The following MAPRE2 variants were observed in gnomAD, a reference collection of about 807,000 sequenced individuals.
MAPRE2 encodes the protein microtubule-associated protein RP/EB family member 2.
In MAPRE2, 13 loss-of-function variants were observed where a neutral mutation model predicts 43.2. The observed-to-expected ratio is 0.30, with a 90% CI of 0.20 to 0.48. The LOEUF is 0.48. Among genes scored for constraint, MAPRE2 ranks in the 20% least tolerant of loss-of-function variants. The pLI is 0.99. For missense variants in MAPRE2, 161 were observed against 400.2 expected (o/e 0.40, Z 5.10); for synonymous variants, 135 against 148.8 (o/e 0.91, Z 0.68).
intron 1 of MAPRE2, among the ~76,000 whole-genome samples, chr18:35,057,075 C>A (rs955356759): frequency 6.6e-6 from 1 of 152,086 alleles, no homozygotes; most frequent in Non-Finnish European, 1.5e-5. Context: ...TGTGCAATGG[C>A]GCAATCTCAG....
intron 2 of MAPRE2, among the ~76,000 whole-genome samples, chr18:35,019,284 GAGA>G (rs893915802): frequency 2.0e-4 from 30 of 152,038 alleles, no homozygotes; most frequent in African/African-American, 6.0e-4. Context: ...ATGTGCAGAT[GAGA>G]AGAATGTATA....
In MAPRE2 at chr18:35,091,824, A is replaced by G. The variant is rs80102053; in HGVS notation, c.251-5622A>G. ...AAATAACATCATACTGGCATGATGT[A>G]TTAGCCTATTCTTGCATTGCTATAC... On this transcript the variant is annotated intron_variant, in intron 2 of 6. Coordinates refer to ENST00000300249, the MANE Select transcript of MAPRE2 (RefSeq NM_014268.4). 5.6e-3 allele frequency among the ~76,000 whole-genome samples: 854 copies of G among 152,330 alleles called. 6 individuals carry two copies. The highest frequency in any genetic ancestry group is 9.0e-3 in the Non-Finnish European group (612 of 68,030).
At chr18:35,022,323 G>A (rs1249102194) in intron 2 of MAPRE2, among the ~76,000 whole-genome samples, 1 of 152,104 alleles carries the variant, frequency 6.6e-6, no homozygotes, top group Non-Finnish European at 1.5e-5. Flanking sequence ...TAGTAAGTAA[G>A]TTTCATGCAG....
intron 2 of MAPRE2, among the ~76,000 whole-genome samples, chr18:35,024,290 C>T (rs1326058343): frequency 1.3e-5 from 2 of 152,134 alleles, no homozygotes; most frequent in Non-Finnish European, 2.9e-5. Flanking sequence ...TTTTAAACTC[C>T]TAACTTGAAA....
chr18:35,127,155 C>G, intron 5 of MAPRE2, 68 bp downstream of exon 5: 3 of 1,541,866 alleles, frequency 1.9e-6, no homozygotes, highest in South Asian at 2.3e-5. Flanking sequence ...GGCCTAGGAT[C>G]CCCTAGGACT....
At chr18:35,102,787 A>G (rs969232089) in intron 4 of MAPRE2, among the ~76,000 whole-genome samples, 1 of 152,230 alleles carries the variant, frequency 6.6e-6, no homozygotes, top group Admixed American at 6.6e-5. Flanking sequence ...CATCCTTGCC[A>G]TAAACAGCAG....
In MAPRE2 at chr18:35,132,196, T is replaced by C. The variant is rs751886504; in HGVS notation, c.909+6T>C. Reference sequence around the variant, plus strand: ...TGTATGCTTCAGAAGAACACGTAAGTGTGAGGAGCATGTGACTCCTGTGTT... The same window carrying C: ...TGTATGCTTCAGAAGAACACGTAAGCGTGAGGAGCATGTGACTCCTGTGTT... On this transcript the variant is annotated splice_donor_region_variant and intron_variant, in intron 6 of 6. Coordinates refer to ENST00000300249, the MANE Select transcript of MAPRE2 (RefSeq NM_014268.4). 1 of 1,613,622 alleles carries C rather than the reference T, an allele frequency of 6.2e-7. No homozygotes were observed. The highest frequency in any genetic ancestry group is 8.5e-7 in the Non-Finnish European group (1 of 1,179,746).
In MAPRE2 at chr18:35,070,338, T is replaced by C; in HGVS notation, c.250+16T>C. The C allele has an allele frequency of 6.3e-7, 1 of 1,576,088 alleles. No individual in the cohort carries two copies. Among genetic ancestry groups the C allele is most frequent in the East Asian group, 2.3e-5 (1 of 43,782 alleles). ...CTTTGTTCAGGTAAGACATATTCTT[T>C]TAAGTGTTTACCTAAATATTTACAG... On this transcript the variant is annotated intron_variant, in intron 2 of 6. Coordinates refer to ENST00000300249, the MANE Select transcript of MAPRE2 (RefSeq NM_014268.4).
chr18:35,012,534 G>T (rs1377441823), intron 2 of MAPRE2, among the ~76,000 whole-genome samples: 1 of 152,144 alleles, frequency 6.6e-6, no homozygotes, highest in Non-Finnish European at 1.5e-5. Context: ...AACAAAATCT[G>T]GTATATACAT....
intron 1 of MAPRE2, among the ~76,000 whole-genome samples, chr18:34,991,779 G>A (rs2097023945): frequency 3.3e-5 from 5 of 152,182 alleles, no homozygotes; most frequent in Admixed American, 2.6e-4. Context: ...CACCTTTAGA[G>A]TATAACTTGT....
chr18:34,985,051 ATT>A (rs1491121539), intron 1 of MAPRE2, among the ~76,000 whole-genome samples: 5 of 52,388 alleles, frequency 9.5e-5, no homozygotes, highest in African/African-American at 4.1e-4. Context: ...TATAAAATAT[ATT>A]ATATAATATA....
chr18:35,138,820 A>AT, intron 6 of MAPRE2, among the ~76,000 whole-genome samples: 1 of 152,256 alleles, frequency 6.6e-6, no homozygotes, highest in Non-Finnish European at 1.5e-5. Context: ...CAGAGCTGGG[A>AT]TGTGAACTCG....
At position 34,985,317 on chromosome 18, in the gene MAPRE2, TA is replaced by T. The variant is rs2097019417; in HGVS notation, c.-70+8239del. Among the ~76,000 whole-genome samples, 11 of 43,372 alleles carry T rather than the reference TA, an allele frequency of 2.5e-4. 3 individuals carry two copies. Among genetic ancestry groups the T allele is most frequent in the African/African-American group, 1.0e-3 (10 of 9,988 alleles). 28.5% of individuals were successfully genotyped at this position (43,372 alleles called of 152,430 possible). A position where few individuals can be genotyped will look rare whatever the true frequency, so the allele number is the denominator to read the frequency against. ...ATATTATATATTGTATATATTATAT[TA>T]TATATATAATATAATATATAATATA... On this transcript the variant is annotated intron_variant, in intron 1 of 7. Transcript: ENST00000413393.
At chr18:35,095,392 A>ACATACG (rs1555917937) in intron 2 of MAPRE2, among the ~76,000 whole-genome samples, 1 of 149,550 alleles carries the variant, frequency 6.7e-6, no homozygotes, top group African/African-American at 2.5e-5. Context: ...ACACACACAC[A>ACATACG]CACACACACG....
chr18:35,047,587 C>T (rs1905695425), intron 1 of MAPRE2, among the ~76,000 whole-genome samples: 1 of 151,954 alleles, frequency 6.6e-6, no homozygotes. Flanking sequence ...AGAAATTTCT[C>T]CTAAATATGT....
At chr18:34,991,404 A>C (rs1162992871) in intron 1 of MAPRE2, among the ~76,000 whole-genome samples, 1 of 152,202 alleles carries the variant, frequency 6.6e-6, no homozygotes, top group Non-Finnish European at 1.5e-5. Flanking sequence ...GCTCAGAAAC[A>C]AGAAACGTCT....
intron 1 of MAPRE2, among the ~76,000 whole-genome samples, chr18:34,995,797 A>G (rs2150576479): frequency 6.6e-6 from 1 of 152,272 alleles, no homozygotes; most frequent in South Asian, 2.1e-4. Context: ...TGGCTCCTTT[A>G]CCAAGCGCAT....
rs562187807 is a variant in MAPRE2, at chr18:35,094,110, A to G, written c.251-3336A>G. On this transcript the variant is annotated intron_variant, in intron 2 of 6. Transcript: ENST00000300249. The stretch of plus-strand genomic sequence containing the variant: ...CTTGGGAAAAAAATAGCGACTTTGA[A>G]TGTTCTCACCACAAAGAAATGATAA... 2.0e-5 allele frequency among the ~76,000 whole-genome samples: 3 copies of G among 152,328 alleles called. No individual in the cohort carries two copies. The South Asian group carries it at 6.2e-4, about 32-fold the overall frequency.
chr18:35,125,431 C>G (rs1909864721), intron 4 of MAPRE2, among the ~76,000 whole-genome samples: 2 of 152,242 alleles, frequency 1.3e-5, no homozygotes, highest in South Asian at 4.1e-4. Context: ...GTTAGTTAAA[C>G]TTTTGCTCTT....
Sources: gnomAD v4.1 joint callset for allele counts (sites outside exome capture counted in the v4.1 genomes callset) on GRCh38, gnomAD v4.1.1 for gene constraint, MANE v1.5 for transcripts, NCBI Gene and HGNC (gene_info 2026-07-23, HGNC 2026-07-21) for gene names.